Variants in PTPRN2 observed in about 807,000 individuals in gnomAD.
PTPRN2 encodes receptor-type tyrosine-protein phosphatase N2.
A neutral mutation model predicts 118.8 loss-of-function variants in PTPRN2; 74 were observed. The ratio of observed to expected loss-of-function variants is 0.62; its 90% CI spans 0.52 to 0.76. The LOEUF (loss-of-function observed/expected upper bound fraction) is 0.76. Ranked by LOEUF, PTPRN2 falls within the 30% of genes least tolerant of loss-of-function variation. PTPRN2 has a pLI of 0.00. For missense variants in PTPRN2, 1,481 were observed against 1,394.4 expected (o/e 1.06, Z -0.99); for synonymous variants, 641 against 608.0 (o/e 1.05, Z -0.80).
chr7:158,208,683 TAGTG>T (rs1389642805), intron 3 of PTPRN2, among the ~76,000 whole-genome samples: 1 of 152,206 alleles, frequency 6.6e-6, no homozygotes. Flanking sequence ...AAAAGAATGT[TAGTG>T]AGCAGTAAGA....
rs1202954583 is a variant in PTPRN2, at chr7:158,525,208, G to A, written c.113-35423C>T. 6.6e-6 allele frequency among the ~76,000 whole-genome samples: 1 copy of A among 152,156 alleles called. No homozygotes were observed. ...GCACAGCGTGAGGCAGGCCCTGACC[G>A]CTCTGGAAGGAAAAGCACCTCTGGC... On this transcript the variant is annotated intron_variant, in intron 1 of 22. Transcript: ENST00000389418. This position sits in a 1 kb window ranked among gnomAD's most constrained non-coding sequence, Gnocchi z 4.1.
chr7:158,055,166 G>A (rs573942324), intron 11 of PTPRN2, among the ~76,000 whole-genome samples: 4 of 152,248 alleles, frequency 2.6e-5, no homozygotes, highest in African/African-American at 9.6e-5. Flanking sequence ...TATTATCATA[G>A]TCTTTGCTCT....
chr7:158,044,331 G>T lies in PTPRN2; in HGVS notation c.1723+36967C>A, dbSNP rs564671441. On this transcript the variant is annotated intron_variant, in intron 11 of 22. Coordinates refer to ENST00000389418, the MANE Select transcript of PTPRN2 (RefSeq NM_002847.5). ...GCGGCCACAGCCCTGAGGCAGGGGTGGGGGGCGTCCTCACTGCTGCTGAAT... is the reference window on the plus strand; with the variant it reads ...GCGGCCACAGCCCTGAGGCAGGGGTTGGGGGCGTCCTCACTGCTGCTGAAT... Among the ~76,000 whole-genome samples the T allele has an allele frequency of 1.2e-4, 18 of 152,270 alleles. 1 individual carries two copies. In the South Asian group the frequency reaches 1.5e-3, roughly 12 times the overall value.
chr7:158,213,969 G>A (rs964086874), intron 3 of PTPRN2, among the ~76,000 whole-genome samples: 3 of 152,058 alleles, frequency 2.0e-5, no homozygotes, highest in Admixed American at 6.5e-5. Flanking sequence ...AGTTCTTCCA[G>A]AACAACAGTT....
At chr7:157,656,703 A>G (rs1806120845) in intron 13 of PTPRN2, 152 bp from the exon 14 acceptor site, 1 of 807,584 alleles carries the variant, frequency 1.2e-6, no homozygotes, top group Non-Finnish European at 1.9e-6. Context: ...GGCCAGCGCA[A>G]CATGACGGTC....
chr7:158,355,240 C>T (rs1563193645), intron 2 of PTPRN2, among the ~76,000 whole-genome samples: 1 of 152,216 alleles, frequency 6.6e-6, no homozygotes, highest in Admixed American at 6.5e-5. Flanking sequence ...TCTCATTCCA[C>T]CTTGCCACCA....
rs956887026 is a variant in PTPRN2, at chr7:157,801,244, A to C, written c.1788+97429T>G. ...AGACCAGAAACTGAACCGACGCTGA[A>C]AGTATCAGGCCTTCCGCTTAGCGCT... is the stretch of plus-strand genomic sequence containing the variant. On this transcript the variant is annotated intron_variant, in intron 12 of 22. Coordinates refer to ENST00000389418, the MANE Select transcript of PTPRN2 (RefSeq NM_002847.5). This position sits in a 1 kb window ranked among gnomAD's most constrained non-coding sequence, Gnocchi z 4.2. Among the ~76,000 whole-genome samples, 3 of 152,132 alleles carry C rather than the reference A, an allele frequency of 2.0e-5. No homozygotes were observed. Among genetic ancestry groups the C allele is most frequent in the Non-Finnish European group, 1.5e-5 (1 of 68,032 alleles).
At chr7:157,546,185 T>C (rs1165592401) in intron 22 of PTPRN2, among the ~76,000 whole-genome samples, 1 of 152,164 alleles carries the variant, frequency 6.6e-6, no homozygotes, top group African/African-American at 2.4e-5. Context: ...CTGACTCTGT[T>C]ATCTGGAGTG....
At chr7:158,359,612 T>G (rs188701028) in intron 2 of PTPRN2, among the ~76,000 whole-genome samples, 1 of 152,300 alleles carries the variant, frequency 6.6e-6, no homozygotes, top group East Asian at 1.9e-4. Flanking sequence ...ATAATAATTC[T>G]GTAAAACCAA....
chr7:157,835,156 A>G (rs767604942), intron 12 of PTPRN2, among the ~76,000 whole-genome samples: 2 of 152,224 alleles, frequency 1.3e-5, no homozygotes, highest in Non-Finnish European at 2.9e-5. Context: ...TGAGCCCCCT[A>G]GGACAAGCAG....
At chr7:158,160,957 T>C (rs1822304582) in intron 6 of PTPRN2, among the ~76,000 whole-genome samples, 1 of 152,272 alleles carries the variant, frequency 6.6e-6, no homozygotes, top group Non-Finnish European at 1.5e-5. Context: ...AAATGTCTTT[T>C]AAATAATTTT....
rs146901060 is a variant in PTPRN2, at chr7:158,064,234, G to T, written c.1723+17064C>A. Among the ~76,000 whole-genome samples the T allele has an allele frequency of 8.4e-3, 1,282 of 152,302 alleles. 9 individuals carry two copies. The highest frequency in any genetic ancestry group is 0.014 in the Non-Finnish European group (950 of 68,034). On this transcript the variant is annotated intron_variant, in intron 11 of 22. Transcript: ENST00000389418. Reference sequence around the variant, plus strand: ...ATCCCGAGCAAGTTGGGGTTTAACCGCATTGACTCTGGCAACCTGAACATG... The same window carrying T: ...ATCCCGAGCAAGTTGGGGTTTAACCTCATTGACTCTGGCAACCTGAACATG...
At chr7:157,924,673 A>T (rs1798872098) in intron 11 of PTPRN2, among the ~76,000 whole-genome samples, 1 of 152,248 alleles carries the variant, frequency 6.6e-6, no homozygotes, top group Non-Finnish European at 1.5e-5. Context: ...CTGCAGGTGG[A>T]TTAAAGACTT....
chr7:157,748,424 A>G (rs1360914814), intron 12 of PTPRN2, among the ~76,000 whole-genome samples: 1 of 146,902 alleles, frequency 6.8e-6, no homozygotes, highest in African/African-American at 2.6e-5. Context: ...TTTCTCGGTA[A>G]TTCTGAGGCC....
At chr7:158,554,623 T>C (rs776054920) in intron 1 of PTPRN2, among the ~76,000 whole-genome samples, 2 of 152,150 alleles carry the variant, frequency 1.3e-5, no homozygotes, top group Non-Finnish European at 2.9e-5. Context: ...ATATTTGAGA[T>C]TTGAACAAAA....
At chr7:158,271,033 C>G (rs554532241) in intron 3 of PTPRN2, among the ~76,000 whole-genome samples, 113 of 132,504 alleles carry the variant, frequency 8.5e-4, no homozygotes, top group Middle Eastern at 4.1e-3. Context: ...GGACGGCCCC[C>G]TCCACCTGGG....
chr7:158,281,127 A>AC (rs1187097772), intron 3 of PTPRN2, among the ~76,000 whole-genome samples: 1 of 152,128 alleles, frequency 6.6e-6, no homozygotes, highest in African/African-American at 2.4e-5. Context: ...AACATAGTGA[A>AC]CCCCACCTCT....
At chr7:158,154,261 G>T (rs2150545287) in intron 6 of PTPRN2, among the ~76,000 whole-genome samples, 1 of 152,356 alleles carries the variant, frequency 6.6e-6, no homozygotes, top group South Asian at 2.1e-4. Flanking sequence ...ATTCACCACA[G>T]TTGGGACTCG....
intron 12 of PTPRN2, among the ~76,000 whole-genome samples, chr7:157,772,067 TACAC>T (rs1051736992): frequency 4.8e-4 from 65 of 135,244 alleles, no homozygotes; most frequent in Admixed American, 3.2e-3. Flanking sequence ...TACACACAGA[TACAC>T]ACACAGAACA....
Sources: allele counts gnomAD v4.1 joint callset (sites outside exome capture counted in the v4.1 genomes callset), GRCh38; gene constraint gnomAD v4.1.1; non-coding constraint Gnocchi (gnomAD v3.1); transcripts MANE v1.5; gene names NCBI Gene and HGNC (gene_info 2026-07-23, HGNC 2026-07-21).